SSBP2: variants seen among roughly 807,000 people sequenced by gnomAD.
SSBP2 encodes the protein single stranded DNA binding protein 2.
In SSBP2, 17 loss-of-function variants were observed where a neutral mutation model predicts 61.8. The observed-to-expected ratio is 0.28, with a 90% CI of 0.19 to 0.41. SSBP2 has a LOEUF of 0.41. Ranked by LOEUF, SSBP2 falls within the 10% of genes least tolerant of loss-of-function variation. The pLI, the probability that SSBP2 is intolerant of heterozygous loss-of-function variation, is 1.00. For missense variants in SSBP2, 310 were observed against 458.7 expected, an observed-to-expected ratio of 0.68 and a Z score of 2.96; for synonymous variants, 139 against 141.3, an observed-to-expected ratio of 0.98 and a Z score of 0.12.
Position 81,607,727 on chromosome 5 carries a change from T to C in SSBP2, c.282+7746A>G, listed in dbSNP as rs1745016925. ...ACTTGACTACTTTCTAAAATGAAAT[T>C]GTGCCCTACAAAAATCATTCAGCCA... On this transcript the variant is annotated intron_variant, in intron 4 of 16. Coordinates refer to ENST00000320672, the MANE Select transcript of SSBP2 (RefSeq NM_012446.5). Among the ~76,000 whole-genome samples the C allele has an allele frequency of 3.9e-5, 6 of 152,186 alleles. No individual in the cohort carries two copies. The South Asian group carries it at 1.2e-3, about 32-fold the overall frequency.
intron 4 of SSBP2, among the ~76,000 whole-genome samples, chr5:81,539,812 GT>G: frequency 6.6e-6 from 1 of 152,176 alleles, no homozygotes; most frequent in Non-Finnish European, 1.5e-5. Flanking sequence ...TGTTACATAG[GT>G]ATACACGTGC....
intron 1 of SSBP2, among the ~76,000 whole-genome samples, chr5:81,664,651 G>A (rs1750960995): frequency 6.6e-6 from 1 of 152,078 alleles, no homozygotes; most frequent in Admixed American, 6.6e-5. Context: ...ATACCATACT[G>A]TTCGACAACA....
chr5:81,521,312 C>G (rs1270734327), intron 4 of SSBP2, among the ~76,000 whole-genome samples: 1 of 151,936 alleles, frequency 6.6e-6, no homozygotes, highest in Admixed American at 6.6e-5. Context: ...ATCTCTTCTT[C>G]AGTAATAATT....
intron 5 of SSBP2, among the ~76,000 whole-genome samples, chr5:81,500,489 TCTCA>T (rs768700952): frequency 3.3e-5 from 5 of 149,828 alleles, no homozygotes; most frequent in African/African-American, 5.0e-5. Flanking sequence ...TGGAACGGAG[TCTCA>T]CTCTGTCGCC....
intron 4 of SSBP2, among the ~76,000 whole-genome samples, chr5:81,592,934 C>T (rs1310093895): frequency 1.3e-5 from 2 of 152,142 alleles, no homozygotes; most frequent in Non-Finnish European, 2.9e-5. Flanking sequence ...ATCAGAGCGC[C>T]TCTCCTCCTC....
Position 81,536,367 on chromosome 5 carries a change from T to C in SSBP2, c.283-22650A>G, listed in dbSNP as rs143944985. On this transcript the variant is annotated intron_variant, in intron 4 of 16. Transcript: ENST00000320672. ...GGGGTACACATACAGGTTTGTTAGA[T>C]AGGTAAACTTGTGTCATGGGGGTTC... 5.5e-3 allele frequency among the ~76,000 whole-genome samples: 840 copies of C among 152,272 alleles called. 5 individuals are homozygous for C. The highest frequency in any genetic ancestry group is 0.019 in the African/African-American group (775 of 41,554).
intron 1 of SSBP2, among the ~76,000 whole-genome samples, chr5:81,708,132 C>T (rs1452632066): frequency 6.6e-6 from 1 of 152,086 alleles, no homozygotes; most frequent in Non-Finnish European, 1.5e-5. Flanking sequence ...TGATAGCTCA[C>T]ATAATAATGA....
At chr5:81,609,582 G>C (rs1438493986) in intron 4 of SSBP2, among the ~76,000 whole-genome samples, 1 of 152,106 alleles carries the variant, frequency 6.6e-6, no homozygotes, top group Admixed American at 6.5e-5. Context: ...TTCAAAAAAA[G>C]TTAATAAACA....
rs539833509 is a variant in SSBP2, at chr5:81,701,723, C to T, written c.62+49258G>A. ...ACAAAAGCACTAAAGGAATAGACAT[C>T]TTTGTCACTTTGTTCCATCCTTGGC... On this transcript the variant is annotated intron_variant, in intron 1 of 16. Coordinates refer to ENST00000320672, the MANE Select transcript of SSBP2 (RefSeq NM_012446.5). Among the ~76,000 whole-genome samples, 417 of 152,280 alleles carry T rather than the reference C, an allele frequency of 2.7e-3. 1 individual carries two copies. Among genetic ancestry groups the T allele is most frequent in the African/African-American group, 9.1e-3 (380 of 41,564 alleles).
upstream of SSBP2, chr5:81,751,323 C>T (rs923523638): frequency 1.8e-6 from 1 of 544,926 alleles, no homozygotes; most frequent in African/African-American, 1.9e-5. Context: ...TCTCCGCTCT[C>T]CTCCCTCCAC....
chr5:81,413,902 A>G lies in SSBP2; in HGVS notation c.*6602T>C, dbSNP rs1306193667. On this transcript the variant is annotated 3_prime_UTR_variant, in exon 17 of 17. Transcript: ENST00000320672. ...AGACATGATGGAAAGTTAGCTGACA[A>G]ATATCATATTGTGTTCTGAGTACTG... 6.6e-6 allele frequency: 1 copy of G among 152,166 alleles called. No homozygotes were observed. The highest frequency in any genetic ancestry group is 1.5e-5 in the Non-Finnish European group (1 of 67,996). 9.4% of individuals were successfully genotyped at this position (152,166 alleles called of 1,614,324 possible).
chr5:81,674,790 T>C (rs1751831444), intron 1 of SSBP2, among the ~76,000 whole-genome samples: 1 of 152,190 alleles, frequency 6.6e-6, no homozygotes, highest in Non-Finnish European at 1.5e-5. Flanking sequence ...GAAAATGTGT[T>C]CTAATAGGCT....
Position 81,615,450 on chromosome 5 carries a change from T to C in SSBP2, c.282+23A>G, listed in dbSNP as rs1375895407. On this transcript the variant is annotated intron_variant, in intron 4 of 16. Coordinates refer to ENST00000320672, the MANE Select transcript of SSBP2 (RefSeq NM_012446.5). The stretch of plus-strand genomic sequence containing the variant: ...AAACAGAAAACTGACAGTGTAACTT[T>C]GTAAAATTATATGTTAACTTACGTA... 4 of 1,572,854 alleles carry C rather than the reference T, an allele frequency of 2.5e-6. No individual in the cohort carries two copies. In the South Asian group the frequency reaches 4.4e-5, roughly 17 times the overall value.
intron 6 of SSBP2, among the ~76,000 whole-genome samples, chr5:81,477,608 C>T (rs1420361634): frequency 6.6e-6 from 1 of 151,996 alleles, no homozygotes; most frequent in Non-Finnish European, 1.5e-5. Context: ...GCATGGCTAC[C>T]CCCCGCCCCA....
At chr5:81,590,442 C>A (rs1055316368) in intron 4 of SSBP2, among the ~76,000 whole-genome samples, 1 of 152,226 alleles carries the variant, frequency 6.6e-6, no homozygotes, top group Non-Finnish European at 1.5e-5. Context: ...TATCAAAGAG[C>A]TCATCAAGGA....
At chr5:81,613,570 A>C (rs1407470085) in intron 4 of SSBP2, among the ~76,000 whole-genome samples, 1 of 152,224 alleles carries the variant, frequency 6.6e-6, no homozygotes, top group Non-Finnish European at 1.5e-5. Flanking sequence ...ACAGTAGGGT[A>C]CATCTTTCTA....
chr5:81,522,657 T>C (rs78566127), intron 4 of SSBP2, among the ~76,000 whole-genome samples: 35,338 of 152,078 alleles, frequency 0.23, 5,252 homozygotes, highest in Middle Eastern at 0.38. Context: ...TTTTCTATTT[T>C]GGAAAGTTAG....
chr5:81,636,332 T>G (rs1748227788), intron 3 of SSBP2: 1 of 411,752 alleles, frequency 2.4e-6, no homozygotes, highest in Admixed American at 4.0e-5. Flanking sequence ...TACTTACAGT[T>G]GGAGATTCCA....
chr5:81,572,628 T>C (rs1208516847), intron 4 of SSBP2, among the ~76,000 whole-genome samples: 1 of 152,182 alleles, frequency 6.6e-6, no homozygotes, highest in East Asian at 1.9e-4. Context: ...TTAGAGGTTA[T>C]AAAAGAGGTA....
Sources: gnomAD v4.1 joint callset for allele counts (sites outside exome capture counted in the v4.1 genomes callset) on GRCh38, gnomAD v4.1.1 for gene constraint, MANE v1.5 for transcripts, NCBI Gene and HGNC (gene_info 2026-07-23, HGNC 2026-07-21) for gene names.